CENPU: variants seen among roughly 807,000 people sequenced by gnomAD.
CENPU encodes the protein KSHV latent nuclear antigen interacting protein 1.
A neutral mutation model predicts 56.7 loss-of-function variants in CENPU; 46 were observed. The observed-to-expected ratio is 0.81, with a 90% CI of 0.64 to 1.04. The LOEUF (loss-of-function observed/expected upper bound fraction) is 1.04. Among genes scored for constraint, CENPU ranks in the 50% least tolerant of loss-of-function variants. CENPU has a pLI of 0.00. For missense variants in CENPU, 510 were observed against 490.1 expected (o/e 1.04, Z -0.38); for synonymous variants, 166 against 163.0 (o/e 1.02, Z -0.14).
At chr4:184,727,536 A>C (rs1162562646) in intron 3 of CENPU, among the ~76,000 whole-genome samples, 1 of 152,212 alleles carries the variant, frequency 6.6e-6, no homozygotes, top group Admixed American at 6.5e-5. Context: ...GGTGTGCAGA[A>C]ACGGGAACTC....
chr4:184,713,094 G>GTCAT, intron 6 of CENPU, 81 bp from the exon 7 acceptor site: 1 of 921,106 alleles, frequency 1.1e-6, no homozygotes, highest in Non-Finnish European at 1.7e-6. Context: ...TCACCAAACT[G>GTCAT]TCATTCAATA....
At position 184,700,803 on chromosome 4, in the gene CENPU, AT is replaced by A; in HGVS notation, c.986+16del. 1 of 1,609,896 alleles carries A rather than the reference AT, an allele frequency of 6.2e-7. No individual in the cohort carries two copies. On this transcript the variant is annotated intron_variant, in intron 11 of 12. Coordinates refer to ENST00000281453, the MANE Select transcript of CENPU (RefSeq NM_024629.4). ...CCTTTTAGGTAAGTGCTCAAACAGG[AT>A]TTGACAGTATCTTACCGAAGCAGTT... is the stretch of plus-strand genomic sequence containing the variant.
intron 3 of CENPU, 131 bp from the exon 4 acceptor site, chr4:184,725,193 C>T: frequency 2.0e-6 from 1 of 511,560 alleles, no homozygotes; most frequent in Non-Finnish European, 3.4e-6. Context: ...ATTACACAGG[C>T]CACTTCCCAA....
At chr4:184,725,107 T>C (rs1451112475) in intron 3 of CENPU, 45 bp from the exon 4 acceptor site, 3 of 1,253,700 alleles carry the variant, frequency 2.4e-6, no homozygotes, top group East Asian at 2.3e-5. Flanking sequence ...AGTCTGGCTA[T>C]TTGGGCAGTA....
At position 184,697,715 on chromosome 4, in the gene CENPU, A is replaced by T; in HGVS notation, c.1075T>A (p.Ser359Thr). ...SSLRNAAYFL[S>T]NLKQLYQDYS... Reference sequence around the variant, plus strand: ...TCTTGATAAAGCTGTTTTAAATTAGATAAGAAATATGCTGCATTCCTAAGG... The same window carrying T: ...TCTTGATAAAGCTGTTTTAAATTAGTTAAGAAATATGCTGCATTCCTAAGG... The change falls in exon 12 of 13, where the codon TCT becomes ACT. Residue 359 changes from serine (S) to threonine (T), a missense_variant. Transcript: ENST00000281453. 1 of 1,612,380 alleles carries T rather than the reference A, an allele frequency of 6.2e-7. No homozygotes were observed. Among genetic ancestry groups the T allele is most frequent in the South Asian group, 1.1e-5 (1 of 90,968 alleles).
chr4:184,724,303 C>A (rs940695116), intron 4 of CENPU, among the ~76,000 whole-genome samples: 3 of 152,118 alleles, frequency 2.0e-5, no homozygotes, highest in Non-Finnish European at 2.9e-5. Context: ...CAAAAATACA[C>A]TGCACTTTTG....
chr4:184,715,101 T>C (rs1761045900), intron 6 of CENPU, among the ~76,000 whole-genome samples: 1 of 152,136 alleles, frequency 6.6e-6, no homozygotes, highest in Non-Finnish European at 1.5e-5. Flanking sequence ...CAAAAGGAAA[T>C]TTGAAGGATA....
chr4:184,726,356 T>G (rs911961957), intron 3 of CENPU, among the ~76,000 whole-genome samples: 1 of 147,802 alleles, frequency 6.8e-6, no homozygotes, highest in African/African-American at 2.5e-5. Flanking sequence ...TAATCATACA[T>G]AAGAAGGTCA....
chr4:184,694,336 G>A lies in CENPU; in HGVS notation c.*952C>T, dbSNP rs1461414341. On this transcript the variant is annotated 3_prime_UTR_variant, in exon 13 of 13. Transcript: ENST00000281453. Reference sequence around the variant, plus strand: ...GTTTCAAGTGTGTCTGAGCTTCAGTGCAGCAACGTTTGAATCAGTGCACTC... The same window carrying A: ...GTTTCAAGTGTGTCTGAGCTTCAGTACAGCAACGTTTGAATCAGTGCACTC... 1.5e-6 allele frequency: 2 copies of A among 1,378,074 alleles called. No individual in the cohort carries two copies. Among genetic ancestry groups the A allele is most frequent in the Non-Finnish European group, 1.9e-6 (2 of 1,065,984 alleles). 85.4% of individuals were successfully genotyped at this position (1,378,074 alleles called of 1,614,324 possible).
intron 3 of CENPU, among the ~76,000 whole-genome samples, chr4:184,726,040 G>C (rs1342956139): frequency 6.6e-6 from 1 of 152,170 alleles, no homozygotes; most frequent in Non-Finnish European, 1.5e-5. Flanking sequence ...TCAAAGTTTA[G>C]CATGACAGTG....
chr4:184,714,770 C>T (rs1761033428), intron 6 of CENPU, among the ~76,000 whole-genome samples: 2 of 152,144 alleles, frequency 1.3e-5, no homozygotes, highest in South Asian at 4.1e-4. Context: ...ATGGAAAACA[C>T]AGTATGGTAG....
At chr4:184,725,735 T>C (rs1761428426) in intron 3 of CENPU, among the ~76,000 whole-genome samples, 1 of 152,194 alleles carries the variant, frequency 6.6e-6, no homozygotes, top group Admixed American at 6.5e-5. Context: ...CCTCCCTTAC[T>C]TCCTCTCTGC....
intron 12 of CENPU, 150 bp downstream of exon 12, chr4:184,697,497 G>T: frequency 1.4e-6 from 1 of 719,524 alleles, no homozygotes; most frequent in Non-Finnish European, 2.3e-6. Context: ...ATATAATGAA[G>T]TTTCACTGGC....
At chr4:184,728,492 C>T (rs1761531199) in intron 3 of CENPU, among the ~76,000 whole-genome samples, 1 of 152,152 alleles carries the variant, frequency 6.6e-6, no homozygotes, top group Non-Finnish European at 1.5e-5. Flanking sequence ...ACCTCACACT[C>T]CAAGGAACAC....
chr4:184,694,342 A>G lies in CENPU; in HGVS notation c.*946T>C, dbSNP rs1759949729. ...AGTGTGTCTGAGCTTCAGTGCAGCA[A>G]CGTTTGAATCAGTGCACTCATTCCC... On this transcript the variant is annotated 3_prime_UTR_variant, in exon 13 of 13. Transcript: ENST00000281453. The G allele has an allele frequency of 1.3e-5, 18 of 1,382,254 alleles. No homozygotes were observed. The East Asian group carries it at 4.4e-4, about 33-fold the overall frequency. The allele number at this position is 1,382,254 out of a possible 1,614,324, so 85.6% of individuals were successfully genotyped here. A position where few individuals can be genotyped will look rare whatever the true frequency, so the allele number is the denominator to read the frequency against.
intron 6 of CENPU, among the ~76,000 whole-genome samples, chr4:184,714,452 G>A (rs568966718): frequency 1.3e-5 from 2 of 152,198 alleles, no homozygotes; most frequent in Non-Finnish European, 2.9e-5. Context: ...TAACACAGAA[G>A]TAAAACATAT....
chr4:184,723,579 A>G (rs373628899), intron 4 of CENPU, among the ~76,000 whole-genome samples: 3 of 152,234 alleles, frequency 2.0e-5, no homozygotes, highest in Non-Finnish European at 4.4e-5. Flanking sequence ...CACGGTGGCT[A>G]ACGCCTGTAA....
intron 1 of CENPU, among the ~76,000 whole-genome samples, chr4:184,731,402 A>G (rs914607507): frequency 2.2e-4 from 34 of 152,200 alleles, no homozygotes; most frequent in Non-Finnish European, 8.8e-5. Context: ...GCCAGGAGGG[A>G]GACAAGCCTG....
chr4:184,701,721 T>TC (rs1156511710), intron 10 of CENPU, among the ~76,000 whole-genome samples: 2 of 152,222 alleles, frequency 1.3e-5, no homozygotes, highest in Non-Finnish European at 2.9e-5. Flanking sequence ...GTTGTGCTTT[T>TC]CGACATCCAC....
Sources: allele counts gnomAD v4.1 joint callset (sites outside exome capture counted in the v4.1 genomes callset), GRCh38; gene constraint gnomAD v4.1.1; transcripts MANE v1.5; gene names NCBI Gene and HGNC (gene_info 2026-07-23, HGNC 2026-07-21).